PLA2G4A: variants seen among roughly 807,000 people sequenced by gnomAD.
PLA2G4A encodes the protein phospholipase A2 group IVA, also known as cytosolic phospholipase A2.
Under a neutral mutation model 81.9 loss-of-function variants are expected in PLA2G4A, and 40 were observed. That is an observed-to-expected ratio of 0.49 (90% confidence interval 0.38 to 0.64). The LOEUF (loss-of-function observed/expected upper bound fraction) is 0.64, where lower values mean the gene tolerates loss of function less well. Ranked by LOEUF, PLA2G4A falls within the 30% of genes least tolerant of loss-of-function variation. The pLI is 0.00. For synonymous variants in PLA2G4A, 302 were observed against 296.9 expected, an observed-to-expected ratio of 1.02 and a Z score of -0.18; for missense variants, 715 against 905.1, an observed-to-expected ratio of 0.79 and a Z score of 2.69.
chr1:186,847,276 G>A (rs1652209902), intron 1 of PLA2G4A, among the ~76,000 whole-genome samples: 1 of 151,648 alleles, frequency 6.6e-6, no homozygotes, highest in Non-Finnish European at 1.5e-5. Context: ...TCTTTCTGTA[G>A]GTTCAATTAT....
At chr1:186,984,865 A>AT (rs1273762649) in intron 17 of PLA2G4A, among the ~76,000 whole-genome samples, 7 of 152,116 alleles carry the variant, frequency 4.6e-5, no homozygotes, top group Non-Finnish European at 2.9e-5. Context: ...TAAGCCAAAT[A>AT]TTTTCCCCCA....
intron 2 of PLA2G4A, among the ~76,000 whole-genome samples, chr1:186,863,368 A>G (rs1652884835): frequency 6.6e-6 from 1 of 152,216 alleles, no homozygotes. Context: ...TTTAATTGAC[A>G]CATAGTAATT....
At position 186,909,628 on chromosome 1, in the gene PLA2G4A, C is replaced by T. The variant is rs1654869327; in HGVS notation, c.417-1620C>T. Among the ~76,000 whole-genome samples, 6 of 146,780 alleles carry T rather than the reference C, an allele frequency of 4.1e-5. No individual in the cohort carries two copies. In the Admixed American group the frequency reaches 4.1e-4, roughly 10 times the overall value. ...TGAGCTGAGATTGTGCCATTGCACTCCAGCCTGGGCAACAGGAGCGAAACT... is the reference window on the plus strand; with the variant it reads ...TGAGCTGAGATTGTGCCATTGCACTTCAGCCTGGGCAACAGGAGCGAAACT... On this transcript the variant is annotated intron_variant, in intron 6 of 17. Coordinates refer to ENST00000367466, the MANE Select transcript of PLA2G4A (RefSeq NM_024420.3).
chr1:186,882,385 C>A (rs1473108997), intron 3 of PLA2G4A, among the ~76,000 whole-genome samples: 1 of 152,118 alleles, frequency 6.6e-6, no homozygotes, highest in South Asian at 2.1e-4. Flanking sequence ...AGAACAACAA[C>A]TTGAATAAAC....
intron 3 of PLA2G4A, among the ~76,000 whole-genome samples, chr1:186,879,852 TATTA>T: frequency 6.6e-6 from 1 of 150,876 alleles, no homozygotes; most frequent in Admixed American, 6.6e-5. Context: ...TATATTTTTT[TATTA>T]TATTTTAAGT....
At chr1:186,850,796 G>T (rs1652345656) in intron 1 of PLA2G4A, among the ~76,000 whole-genome samples, 1 of 151,944 alleles carries the variant, frequency 6.6e-6, no homozygotes, top group Admixed American at 6.6e-5. Context: ...AAAGTTTCAT[G>T]GTATACACCT....
chr1:186,853,200 C>T (rs1442525808), intron 1 of PLA2G4A, among the ~76,000 whole-genome samples: 2 of 151,172 alleles, frequency 1.3e-5, no homozygotes, highest in East Asian at 3.9e-4. Flanking sequence ...TTTTTACAAC[C>T]AAATATAGTG....
intron 8 of PLA2G4A, 41 bp downstream of exon 8, chr1:186,932,940 A>T (rs985539447): frequency 5.0e-6 from 7 of 1,412,880 alleles, no homozygotes; most frequent in Non-Finnish European, 7.0e-6. Flanking sequence ...AACTTTAAAT[A>T]TTTAGGATTT....
At position 186,839,997 on chromosome 1, in the gene PLA2G4A, A is replaced by G. The variant is rs554552065; in HGVS notation, c.-70+10962A>G. On this transcript the variant is annotated intron_variant, in intron 1 of 17. Transcript: ENST00000367466. ...TTTTTTTTTTTTTTTTTTTTTTGAGATGGAGTCTCATTCTGTTGCCCAGGC... is the reference window on the plus strand; with the variant it reads ...TTTTTTTTTTTTTTTTTTTTTTGAGGTGGAGTCTCATTCTGTTGCCCAGGC... Among the ~76,000 whole-genome samples, 5 of 81,002 alleles carry G rather than the reference A, an allele frequency of 6.2e-5. No individual in the cohort carries two copies. In the Admixed American group the frequency reaches 7.9e-4, roughly 13 times the overall value. The allele number at this position is 81,002 out of a possible 152,430, so 53.1% of individuals were successfully genotyped here. A position where few individuals can be genotyped will look rare whatever the true frequency, so the allele number is the denominator to read the frequency against.
At position 186,955,656 on chromosome 1, in the gene PLA2G4A, A is replaced by G. The variant is rs1656718939; in HGVS notation, c.1337-446A>G. Among the ~76,000 whole-genome samples the G allele has an allele frequency of 2.0e-5, 3 of 152,164 alleles. No homozygotes were observed. In the South Asian group the frequency reaches 6.2e-4, roughly 32 times the overall value. On this transcript the variant is annotated intron_variant, in intron 13 of 17. Transcript: ENST00000367466. ...ACAAAAATGATTAACTGCAATATTA[A>G]TTTAGGCAAATACACATGTTAAACC...
chr1:186,877,427 TG>T, intron 3 of PLA2G4A, among the ~76,000 whole-genome samples: 2 of 152,164 alleles, frequency 1.3e-5, no homozygotes, highest in East Asian at 3.9e-4. Flanking sequence ...AATATTCTTT[TG>T]GGTAGTCTGT....
chr1:186,848,804 G>T (rs1198676189), intron 1 of PLA2G4A, among the ~76,000 whole-genome samples: 1 of 151,790 alleles, frequency 6.6e-6, no homozygotes, highest in Non-Finnish European at 1.5e-5. Flanking sequence ...AACTAGACTT[G>T]GACAGTTAGC....
intron 7 of PLA2G4A, among the ~76,000 whole-genome samples, chr1:186,923,390 A>G (rs929420466): frequency 6.6e-6 from 1 of 152,186 alleles, no homozygotes; most frequent in African/African-American, 2.4e-5. Context: ...CCATCCTTGT[A>G]TTGGTATACC....
intron 17 of PLA2G4A, among the ~76,000 whole-genome samples, chr1:186,982,946 T>C (rs954286651): frequency 6.6e-6 from 1 of 151,638 alleles, no homozygotes; most frequent in Non-Finnish European, 1.5e-5. Context: ...TAGCTGGGCG[T>C]GGTGGCAGGT....
intron 1 of PLA2G4A, among the ~76,000 whole-genome samples, chr1:186,837,317 A>C (rs1252991618): frequency 6.6e-6 from 1 of 152,138 alleles, no homozygotes; most frequent in Non-Finnish European, 1.5e-5. Context: ...GTAAGCAAAT[A>C]ACCCTTCAGA....
intron 7 of PLA2G4A, among the ~76,000 whole-genome samples, chr1:186,931,018 T>A (rs1655725539): frequency 6.6e-6 from 1 of 152,082 alleles, no homozygotes; most frequent in African/African-American, 2.4e-5. Flanking sequence ...ATTCTAACTT[T>A]ATATCTAGCT....
intron 2 of PLA2G4A, among the ~76,000 whole-genome samples, chr1:186,856,152 A>G (rs1652543372): frequency 6.6e-6 from 1 of 152,010 alleles, no homozygotes; most frequent in East Asian, 1.9e-4. Context: ...ATGATTCTAC[A>G]GAGGAGAGAT....
intron 3 of PLA2G4A, among the ~76,000 whole-genome samples, chr1:186,888,921 A>C (rs929463563): frequency 6.6e-6 from 1 of 152,170 alleles, no homozygotes; most frequent in African/African-American, 2.4e-5. Context: ...GTTTTGTAAC[A>C]CATAATTTGA....
At chr1:186,945,630 T>C (rs1338340711) in intron 10 of PLA2G4A, among the ~76,000 whole-genome samples, 1 of 152,104 alleles carries the variant, frequency 6.6e-6, no homozygotes, top group Non-Finnish European at 1.5e-5. Flanking sequence ...ATTTTTCCTG[T>C]GTAAGCTATA....
Sources: allele counts gnomAD v4.1 joint callset (sites outside exome capture counted in the v4.1 genomes callset), GRCh38; gene constraint gnomAD v4.1.1; transcripts MANE v1.5; gene names NCBI Gene and HGNC (gene_info 2026-07-23, HGNC 2026-07-21).